ZEB1: variants seen among roughly 807,000 people sequenced by gnomAD.
ZEB1 encodes the protein zinc finger E-box-binding homeobox 1.
ZEB1 carries 21 observed loss-of-function variants against 84.9 expected under a neutral mutation model. The ratio of observed to expected loss-of-function variants is 0.25; its 90% CI spans 0.18 to 0.36. The LOEUF is 0.36. Among genes scored for constraint, ZEB1 ranks in the 10% least tolerant of loss-of-function variants. The pLI is 1.00. For synonymous variants in ZEB1, 420 were observed against 471.1 expected (o/e 0.89, Z 1.41); for missense variants, 1,104 against 1,330.2 (o/e 0.83, Z 2.65).
chr10:31,491,633 T>C (rs2066546363), intron 2 of ZEB1, among the ~76,000 whole-genome samples: 1 of 151,900 alleles, frequency 6.6e-6, no homozygotes, highest in African/African-American at 2.4e-5. Context: ...CATGTCATCT[T>C]CTCCAGTCCA....
At chr10:31,323,439 G>A (rs149461231) in intron 1 of ZEB1, among the ~76,000 whole-genome samples, 213 of 152,142 alleles carry the variant, frequency 1.4e-3, no homozygotes, top group Middle Eastern at 3.4e-3. Flanking sequence ...TACTAACGGA[G>A]GTGGTAACTA....
At chr10:31,411,601 C>T (rs1226758756) in intron 1 of ZEB1, among the ~76,000 whole-genome samples, 1 of 141,162 alleles carries the variant, frequency 7.1e-6, no homozygotes, top group East Asian at 2.2e-4. Flanking sequence ...CACTGCAGTC[C>T]GCAGTCCGGC....
chr10:31,344,321 ATTAT>A (rs779573173), intron 1 of ZEB1, among the ~76,000 whole-genome samples: 12 of 152,224 alleles, frequency 7.9e-5, no homozygotes, highest in African/African-American at 2.9e-4. Context: ...ATATTAAAAG[ATTAT>A]TTGTGTATTT....
chr10:31,509,135 T>G (rs2069506104), intron 4 of ZEB1, among the ~76,000 whole-genome samples: 1 of 152,098 alleles, frequency 6.6e-6, no homozygotes. Flanking sequence ...CAGGATGTAG[T>G]CTGTTGGGGG....
intron 1 of ZEB1, among the ~76,000 whole-genome samples, chr10:31,325,770 T>G (rs1037432997): frequency 1.3e-5 from 2 of 152,022 alleles, no homozygotes; most frequent in South Asian, 4.1e-4. Context: ...GTTTTCTCTT[T>G]TTAAAATATT....
Position 31,473,003 on chromosome 10 carries a change from C to A in ZEB1, c.259+11766C>A, listed in dbSNP as rs1451740401. Among the ~76,000 whole-genome samples the A allele has an allele frequency of 8.6e-5, 12 of 139,902 alleles. No individual in the cohort carries two copies. The East Asian group carries it at 2.3e-3, about 27-fold the overall frequency. The allele number at this position is 139,902 out of a possible 152,430, so 91.8% of individuals were successfully genotyped here. A position where few individuals can be genotyped will look rare whatever the true frequency, so the allele number is the denominator to read the frequency against. The stretch of plus-strand genomic sequence containing the variant: ...TGCAGAAAAGGCCTTTGACAAAATT[C>A]AACAACCCTTCATGCTAAAAACTCT... On this transcript the variant is annotated intron_variant, in intron 2 of 8. Transcript: ENST00000424869.
At chr10:31,452,520 G>T (rs1197400916) in intron 1 of ZEB1, among the ~76,000 whole-genome samples, 1 of 152,002 alleles carries the variant, frequency 6.6e-6, no homozygotes, top group South Asian at 2.1e-4. Flanking sequence ...GTACCTGTTT[G>T]CCTGGTCTGG....
intron 1 of ZEB1, among the ~76,000 whole-genome samples, chr10:31,366,112 C>G (rs925874580): frequency 3.3e-5 from 5 of 152,130 alleles, no homozygotes; most frequent in Non-Finnish European, 7.3e-5. Flanking sequence ...TGCTCTCTAC[C>G]TTTGCTCCCA....
chr10:31,343,745 C>T (rs746588569), intron 1 of ZEB1, among the ~76,000 whole-genome samples: 15 of 152,182 alleles, frequency 9.9e-5, no homozygotes, highest in Non-Finnish European at 1.3e-4. Context: ...ATTCTCTGCC[C>T]GCTTTAAATC....
At chr10:31,449,402 T>A (rs1434821829) in intron 1 of ZEB1, among the ~76,000 whole-genome samples, 1 of 152,184 alleles carries the variant, frequency 6.6e-6, no homozygotes, top group Non-Finnish European at 1.5e-5. Context: ...AGCTGTAGAC[T>A]GGAGCTGTTC....
chr10:31,522,813 A>G (rs978229189), intron 7 of ZEB1, among the ~76,000 whole-genome samples: 2 of 152,162 alleles, frequency 1.3e-5, no homozygotes, highest in Non-Finnish European at 2.9e-5. Flanking sequence ...TCAAACTTGT[A>G]TTTGCTGCTT....
chr10:31,450,086 A>T (rs943597346), intron 1 of ZEB1, among the ~76,000 whole-genome samples: 1 of 152,216 alleles, frequency 6.6e-6, no homozygotes, highest in Non-Finnish European at 1.5e-5. Context: ...TAAGTCATTT[A>T]GATTTAGAAT....
intron 1 of ZEB1, among the ~76,000 whole-genome samples, chr10:31,444,016 T>G (rs1465879904): frequency 6.7e-6 from 1 of 150,206 alleles, no homozygotes; most frequent in Non-Finnish European, 1.5e-5. Flanking sequence ...TGAACTAGTT[T>G]ACAGTCCCAC....
rs566733377 is a variant in ZEB1, at chr10:31,480,494, T to G, written c.260-15282T>G. Among the ~76,000 whole-genome samples the G allele has an allele frequency of 4.3e-4, 65 of 152,212 alleles. No homozygotes were observed. The Middle Eastern group carries it at 0.017, about 40-fold the overall frequency. ...TGAGCACATGGCTTCTAGTCTTCGCTGTACCATCTCTTGAGTTCCACTTGT... is the reference window on the plus strand; with the variant it reads ...TGAGCACATGGCTTCTAGTCTTCGCGGTACCATCTCTTGAGTTCCACTTGT... On this transcript the variant is annotated intron_variant, in intron 2 of 8. Transcript: ENST00000424869.
intron 2 of ZEB1, among the ~76,000 whole-genome samples, chr10:31,464,729 T>C (rs950205395): frequency 6.6e-6 from 1 of 152,144 alleles, no homozygotes; most frequent in African/African-American, 2.4e-5. Flanking sequence ...GATGATATAT[T>C]CAAAGTGCCA....
At chr10:31,431,530 T>A (rs1193269821) in intron 1 of ZEB1, among the ~76,000 whole-genome samples, 1 of 152,160 alleles carries the variant, frequency 6.6e-6, no homozygotes, top group Admixed American at 6.5e-5. Flanking sequence ...AAATTTATTT[T>A]AAATTTTAGT....
intron 1 of ZEB1, among the ~76,000 whole-genome samples, chr10:31,402,780 T>C (rs962860405): frequency 6.6e-6 from 1 of 152,066 alleles, no homozygotes; most frequent in Admixed American, 6.6e-5. Flanking sequence ...TCCTGACTCC[T>C]GAAATGCTTG....
intron 2 of ZEB1, among the ~76,000 whole-genome samples, chr10:31,471,599 C>A (rs2137943512): frequency 7.1e-6 from 1 of 141,000 alleles, no homozygotes; most frequent in African/African-American, 2.7e-5. Flanking sequence ...TAGACTCCCA[C>A]ACATTAATAA....
intron 2 of ZEB1, among the ~76,000 whole-genome samples, chr10:31,475,229 A>G (rs1033405651): frequency 6.6e-6 from 1 of 151,340 alleles, no homozygotes; most frequent in Admixed American, 6.6e-5. Context: ...AAAAAAAAAA[A>G]CAAATTAACC....
Sources: gnomAD v4.1 joint callset for allele counts (sites outside exome capture counted in the v4.1 genomes callset) on GRCh38, gnomAD v4.1.1 for gene constraint, MANE v1.5 for transcripts, NCBI Gene and HGNC (gene_info 2026-07-23, HGNC 2026-07-21) for gene names.